Variants in SYT1 observed in about 807,000 individuals in gnomAD.
SYT1 encodes the protein synaptotagmin 1, also known as synaptotagmin-1.
In SYT1, 8 loss-of-function variants were observed where a neutral mutation model predicts 44.8. The observed-to-expected ratio is 0.18, with a 90% CI of 0.10 to 0.32. The LOEUF (loss-of-function observed/expected upper bound fraction) is 0.32. Ranked by LOEUF, SYT1 falls within the 10% of genes least tolerant of loss-of-function variation. The pLI, the probability that SYT1 is intolerant of heterozygous loss-of-function variation, is 1.00. For synonymous variants in SYT1, 154 were observed against 188.8 expected, an observed-to-expected ratio of 0.82 and a Z score of 1.51; for missense variants, 286 against 509.3, an observed-to-expected ratio of 0.56 and a Z score of 4.22.
At position 79,425,593 on chromosome 12, in the gene SYT1, T is replaced by G. The variant is rs539944788; in HGVS notation, c.929-18480T>G. 1.2e-4 allele frequency among the ~76,000 whole-genome samples: 18 copies of G among 152,320 alleles called. No homozygotes were observed. The East Asian group carries it at 3.5e-3, about 29-fold the overall frequency. ...ACTAATATTCTTAGGCTGGTCTGAA[T>G]GCTATGTAAATCCCAATAAAAATCT... On this transcript the variant is annotated intron_variant, in intron 9 of 10. Coordinates refer to ENST00000261205, the MANE Select transcript of SYT1 (RefSeq NM_005639.3).
At chr12:79,437,733 A>G (rs1413571863) in intron 9 of SYT1, among the ~76,000 whole-genome samples, 1 of 152,226 alleles carries the variant, frequency 6.6e-6, no homozygotes, top group Non-Finnish European at 1.5e-5. Flanking sequence ...TGGTGAAGAC[A>G]TTGCATTCCA....
chr12:79,305,336 A>G (rs1880339918), intron 8 of SYT1, among the ~76,000 whole-genome samples: 1 of 152,152 alleles, frequency 6.6e-6, no homozygotes, highest in South Asian at 2.1e-4. Context: ...GCTACCTTCC[A>G]TTGTTCTCCC....
At chr12:79,448,834 A>ATTCT in intron 10 of SYT1, 84 bp from the exon 11 acceptor site, 1 of 1,244,338 alleles carries the variant, frequency 8.0e-7, no homozygotes, top group East Asian at 2.3e-5. Context: ...TCTATTTCCA[A>ATTCT]TTCTTTAGCG....
chr12:79,324,328 C>A (rs1881510247), intron 8 of SYT1, among the ~76,000 whole-genome samples: 1 of 152,132 alleles, frequency 6.6e-6, no homozygotes, highest in South Asian at 2.1e-4. Flanking sequence ...AATGACCGTG[C>A]TTTCAGAATT....
In SYT1 at chr12:79,328,617, C is replaced by T. The variant is rs867728727; in HGVS notation, c.811-24885C>T. On this transcript the variant is annotated intron_variant, in intron 8 of 10. Transcript: ENST00000261205. ...ATCCCAGCACTTTGGGAGGCTGAGG[C>T]GGGCAGATCACGAGGTTAGGAGATC... is the stretch of plus-strand genomic sequence containing the variant. 5.9e-5 allele frequency among the ~76,000 whole-genome samples: 9 copies of T among 152,160 alleles called. No homozygotes were observed. In the Middle Eastern group the frequency reaches 0.017, roughly 288 times the overall value.
intron 1 of SYT1, among the ~76,000 whole-genome samples, chr12:78,968,224 G>GA (rs1010011634): frequency 9.9e-5 from 15 of 152,066 alleles, no homozygotes; most frequent in Admixed American, 2.0e-4. Flanking sequence ...CAGAAATAGA[G>GA]AAAAATGTAG....
At chr12:79,041,801 C>G (rs1292536578) in intron 2 of SYT1, among the ~76,000 whole-genome samples, 4 of 151,604 alleles carry the variant, frequency 2.6e-5, no homozygotes, top group African/African-American at 9.7e-5. Flanking sequence ...TACGTCCCAT[C>G]AATACCTAAT....
At chr12:78,891,818 G>A (rs980760578) in intron 1 of SYT1, among the ~76,000 whole-genome samples, 2 of 151,782 alleles carry the variant, frequency 1.3e-5, no homozygotes, top group African/African-American at 2.4e-5. Flanking sequence ...TAAAAGCTAA[G>A]TAATGGGTGG....
chr12:79,224,879 A>C (rs1209944578), intron 4 of SYT1, among the ~76,000 whole-genome samples: 1 of 151,594 alleles, frequency 6.6e-6, no homozygotes, highest in Non-Finnish European at 1.5e-5. Flanking sequence ...TCCTGGGTTC[A>C]AGCGATTCTT....
intron 3 of SYT1, among the ~76,000 whole-genome samples, chr12:79,124,689 T>C (rs1349028731): frequency 1.3e-5 from 2 of 152,122 alleles, no homozygotes; most frequent in South Asian, 2.1e-4. Flanking sequence ...AGAAAAATGG[T>C]AGGAAATGAG....
intron 3 of SYT1, among the ~76,000 whole-genome samples, chr12:79,066,916 C>G (rs1875906756): frequency 6.6e-6 from 1 of 152,168 alleles, no homozygotes; most frequent in Non-Finnish European, 1.5e-5. Context: ...AATCTGCATT[C>G]ATATGTCTCT....
chr12:79,440,092 C>G (rs562563958), intron 9 of SYT1, among the ~76,000 whole-genome samples: 2 of 152,096 alleles, frequency 1.3e-5, no homozygotes, highest in South Asian at 4.2e-4. Context: ...TGGGCATGTG[C>G]CTGTAATCCC....
At chr12:79,350,176 G>A (rs1467622449) in intron 8 of SYT1, among the ~76,000 whole-genome samples, 1 of 151,256 alleles carries the variant, frequency 6.6e-6, no homozygotes, top group Non-Finnish European at 1.5e-5. Context: ...GGATGACACA[G>A]AAGTCCAGAT....
chr12:79,108,745 AC>A (rs1878853243), intron 3 of SYT1, among the ~76,000 whole-genome samples: 1 of 152,228 alleles, frequency 6.6e-6, no homozygotes, highest in Non-Finnish European at 1.5e-5. Context: ...GCAAGCTAGA[AC>A]TTTTAAATAT....
At chr12:78,883,517 T>C (rs10778280) in intron 1 of SYT1, among the ~76,000 whole-genome samples, 77,627 of 151,424 alleles carry the variant, frequency 0.51, 20,203 homozygotes, top group Non-Finnish European at 0.56. Context: ...TCAGTCTTTG[T>C]TTCCCTAGAT....
At chr12:79,058,345 T>C (rs1434250568) in intron 3 of SYT1, among the ~76,000 whole-genome samples, 1 of 152,020 alleles carries the variant, frequency 6.6e-6, no homozygotes, top group Non-Finnish European at 1.5e-5. Flanking sequence ...AGGAAAAACA[T>C]GTTTCTCCAT....
chr12:79,079,294 TA>T (rs112585522), intron 3 of SYT1, among the ~76,000 whole-genome samples: 3,600 of 152,258 alleles, frequency 0.024, 72 homozygotes, highest in Middle Eastern at 0.075. Flanking sequence ...TAATCCATAT[TA>T]AAAATACACT....
chr12:79,193,508 T>C (rs1186323977), intron 3 of SYT1, among the ~76,000 whole-genome samples: 1 of 152,168 alleles, frequency 6.6e-6, no homozygotes, highest in Non-Finnish European at 1.5e-5. Context: ...AACCCAATAA[T>C]TTACTTTCAT....
chr12:78,952,036 T>C (rs960728032), intron 1 of SYT1, among the ~76,000 whole-genome samples: 3 of 151,980 alleles, frequency 2.0e-5, no homozygotes, highest in Non-Finnish European at 4.4e-5. Context: ...AAATGAATTC[T>C]CCAGGCCATG....
Sources: gnomAD v4.1 joint callset for allele counts (sites outside exome capture counted in the v4.1 genomes callset) on GRCh38, gnomAD v4.1.1 for gene constraint, MANE v1.5 for transcripts, NCBI Gene and HGNC (gene_info 2026-07-23, HGNC 2026-07-21) for gene names.